TMEM126B: variants seen among roughly 807,000 people sequenced by gnomAD.
TMEM126B encodes transmembrane protein 126B.
In TMEM126B, 19 loss-of-function variants were observed where a neutral mutation model predicts 16.5. The observed-to-expected ratio is 1.15, with a 90% confidence interval of 0.80 to 1.69. TMEM126B has a LOEUF of 1.69. Among genes scored for constraint, TMEM126B ranks in the 40% most tolerant of loss-of-function variants. The pLI is 0.00. For synonymous variants in TMEM126B, 104 were observed against 93.2 expected (o/e 1.12, Z -0.67); for missense variants, 293 against 278.7 (o/e 1.05, Z -0.37).
intron 1 of TMEM126B, among the ~76,000 whole-genome samples, chr11:85,630,133 G>A (rs556506591): frequency 8.5e-5 from 13 of 152,328 alleles, no homozygotes; most frequent in Non-Finnish European, 1.8e-4. Flanking sequence ...TACAGCATCA[G>A]AAGCACTAAG....
Position 85,636,244 on chromosome 11 carries a change from G to T in TMEM126B, c.*15G>T, listed in dbSNP as rs1038822463. ...ATGAAGAGTAACCAAAAAAATGAATGGTTGCTAACTTAGCAAAATGAAGTT... is the reference window on the plus strand; with the variant it reads ...ATGAAGAGTAACCAAAAAAATGAATTGTTGCTAACTTAGCAAAATGAAGTT... On this transcript the variant is annotated 3_prime_UTR_variant, in exon 5 of 5. Coordinates refer to ENST00000358867, the MANE Select transcript of TMEM126B (RefSeq NM_018480.7). The T allele has an allele frequency of 3.5e-6, 5 of 1,440,720 alleles. No homozygotes were observed. In the African/African-American group the frequency reaches 4.3e-5, roughly 12 times the overall value. 89.2% of individuals were successfully genotyped at this position (1,440,720 alleles called of 1,614,324 possible).
chr11:85,636,023 G>T, intron 4 of TMEM126B, 23 bp from the exon 5 acceptor site: 3 of 1,540,742 alleles, frequency 1.9e-6, no homozygotes, highest in Non-Finnish European at 2.6e-6. Flanking sequence ...CAGGAGAGGT[G>T]ATTAACTCTT....
At chr11:85,631,582 C>A in intron 1 of TMEM126B, 105 bp from the exon 2 acceptor site, 1 of 1,314,326 alleles carries the variant, frequency 7.6e-7, no homozygotes, top group Non-Finnish European at 1.0e-6. Context: ...ACCTGGCACA[C>A]TACTAAACTG....
Position 85,634,098 on chromosome 11 carries a change from A to T in TMEM126B, c.216A>T (p.Ile72=). 1.2e-6 allele frequency: 2 copies of T among 1,612,856 alleles called. No individual in the cohort carries two copies. Among genetic ancestry groups the T allele is most frequent in the Middle Eastern group, 1.7e-4 (1 of 6,056 alleles). ...TTTTTTCTATTAGGACACAAAATAT[A>T]TATCAAATGGCGACATTTGGAACAA... is the stretch of plus-strand genomic sequence containing the variant. The part of the protein sequence containing the change: ...DYLRKEMTQN[I]YQMATFGTTA... The change falls in exon 3 of 5, where the codon ATA becomes ATT. Residue 72 remains isoleucine, a synonymous_variant. Transcript: ENST00000358867.
Position 85,631,390 on chromosome 11 carries a change from A to G in TMEM126B, c.82-297A>G, listed in dbSNP as rs1369044651. 3 of 1,072,864 alleles carry G rather than the reference A, an allele frequency of 2.8e-6. No homozygotes were observed. The Admixed American group carries it at 1.2e-4, about 41-fold the overall frequency. The allele number at this position is 1,072,864 out of a possible 1,614,324, so 66.5% of individuals were successfully genotyped here. On this transcript the variant is annotated intron_variant, in intron 1 of 4. Coordinates refer to ENST00000358867, the MANE Select transcript of TMEM126B (RefSeq NM_018480.7). ...CTTCAGTTTGCTCATATGTATAGAAATAATCATTATACTACCAATTTCTCA... is the reference window on the plus strand; with the variant it reads ...CTTCAGTTTGCTCATATGTATAGAAGTAATCATTATACTACCAATTTCTCA...
chr11:85,630,631 GTTGTT>G (rs1300163574), intron 1 of TMEM126B, among the ~76,000 whole-genome samples: 2 of 152,132 alleles, frequency 1.3e-5, no homozygotes, highest in Non-Finnish European at 2.9e-5. Flanking sequence ...TTTTGTTGTT[GTTGTT>G]TTGTTTTGTT....
At chr11:85,633,244 A>G (rs969209446) in intron 2 of TMEM126B, among the ~76,000 whole-genome samples, 19 of 152,294 alleles carry the variant, frequency 1.2e-4, no homozygotes, top group Non-Finnish European at 2.4e-4. Context: ...GCTATTGTGA[A>G]TAGTGCCACA....
At chr11:85,635,816 CTTTTCTTT>C in intron 4 of TMEM126B, 38 bp downstream of exon 4, 15 of 1,019,744 alleles carry the variant, frequency 1.5e-5, no homozygotes, top group South Asian at 2.2e-5. Flanking sequence ...CTTTTCTTTT[CTTTTCTTT>C]TTTTTTTTTT....
rs1591457957 is a variant in TMEM126B at position 85,636,484 on chromosome 11, G to A, written c.*255G>A. 4.4e-6 allele frequency: 1 copy of A among 228,802 alleles called. No individual in the cohort carries two copies. Among genetic ancestry groups the A allele is most frequent in the African/African-American group, 2.2e-5 (1 of 44,580 alleles). 14.2% of individuals were successfully genotyped at this position (228,802 alleles called of 1,614,324 possible). ...GTATATAACAGATAATAAATATCCA[G>A]TGTCAATAAATGTAACAATAAAAGT... is the stretch of plus-strand genomic sequence containing the variant. On this transcript the variant is annotated 3_prime_UTR_variant, in exon 5 of 5. Transcript: ENST00000358867.
intron 1 of TMEM126B, 74 bp downstream of exon 1, chr11:85,628,762 A>G: frequency 7.1e-7 from 1 of 1,402,294 alleles, no homozygotes; most frequent in South Asian, 1.2e-5. Context: ...TTCTAAGATG[A>G]TACCTTTAAA....
chr11:85,631,234 C>G, intron 1 of TMEM126B: 1 of 1,289,218 alleles, frequency 7.8e-7, no homozygotes, highest in South Asian at 1.2e-5. Flanking sequence ...TTCCACCTCC[C>G]CACCTGAAGA....
chr11:85,632,278 CTG>C (rs956078042), intron 2 of TMEM126B, among the ~76,000 whole-genome samples: 3 of 152,122 alleles, frequency 2.0e-5, no homozygotes, highest in Admixed American at 1.3e-4. Flanking sequence ...GAGTCTCACT[CTG>C]TCACCCAGGC....
chr11:85,631,001 T>C, intron 1 of TMEM126B: 2 of 475,454 alleles, frequency 4.2e-6, no homozygotes, highest in South Asian at 1.9e-5. Flanking sequence ...CAGGTGGTAA[T>C]AGGGAACTGG....
rs749742466 is a variant in TMEM126B, at chr11:85,636,132, T to C, written c.596T>C (p.Ile199Thr). Residue 199 changes from isoleucine (I) to threonine (T), a missense_variant, in exon 5 of 5, where the codon ATT (isoleucine) becomes ACT (threonine). By Grantham distance (89) the Ile-to-Thr change is moderately conservative. Coordinates refer to ENST00000358867, the MANE Select transcript of TMEM126B (RefSeq NM_018480.7). Reference sequence around the variant, plus strand: ...CAAACACAAATGAAATTAATGGCGATTCCTCTAGTCTTTCAGATTATGTTT... The same window carrying C: ...CAAACACAAATGAAATTAATGGCGACTCCTCTAGTCTTTCAGATTATGTTT... Reference protein sequence around the residue: ...LCQTQMKLMAIPLVFQIMFGI... With the variant: ...LCQTQMKLMATPLVFQIMFGI... 9 of 1,612,788 alleles carry C rather than the reference T, an allele frequency of 5.6e-6. No individual in the cohort carries two copies. The highest frequency in any genetic ancestry group is 1.6e-4 in the Middle Eastern group (1 of 6,072).
At chr11:85,633,476 C>G (rs2082344064) in intron 2 of TMEM126B, among the ~76,000 whole-genome samples, 1 of 152,172 alleles carries the variant, frequency 6.6e-6, no homozygotes, top group Non-Finnish European at 1.5e-5. Flanking sequence ...TGTTTCCTGA[C>G]TTTTTAATGA....
At chr11:85,631,339 A>T (rs2082293119) in intron 1 of TMEM126B, 1 of 1,187,566 alleles carries the variant, frequency 8.4e-7, no homozygotes. Context: ...TCTACACTAA[A>T]TCTCAAGCAA....
chr11:85,634,874 C>T (rs890810176), intron 3 of TMEM126B: 2 of 152,424 alleles, frequency 1.3e-5, no homozygotes, highest in Non-Finnish European at 2.9e-5. Context: ...CTCTGATTGC[C>T]TCATTGTACA....
At chr11:85,632,370 A>G (rs971426797) in intron 2 of TMEM126B, among the ~76,000 whole-genome samples, 7 of 152,170 alleles carry the variant, frequency 4.6e-5, no homozygotes, top group Admixed American at 4.6e-4. Flanking sequence ...CAGCCTCCCA[A>G]GTAGCTGGGA....
intron 2 of TMEM126B, 48 bp from the exon 3 acceptor site, chr11:85,634,038 A>C (rs1193431561): frequency 1.5e-6 from 2 of 1,370,658 alleles, no homozygotes; most frequent in African/African-American, 1.6e-5. Flanking sequence ...GGCTGTATCC[A>C]TTAAGTTCAA....
Sources: gnomAD v4.1 joint callset for allele counts (sites outside exome capture counted in the v4.1 genomes callset) on GRCh38, gnomAD v4.1.1 for gene constraint, MANE v1.5 for transcripts, NCBI Gene and HGNC (gene_info 2026-07-23, HGNC 2026-07-21) for gene names.